Variants in NEGR1 observed in about 807,000 individuals in gnomAD.
NEGR1 encodes IgLON family member 4.
Under a neutral mutation model 40.9 loss-of-function variants are expected in NEGR1, and 10 were observed. The observed-to-expected ratio is 0.24, with a 90% CI of 0.15 to 0.42. The LOEUF (loss-of-function observed/expected upper bound fraction) is 0.42, where lower values mean the gene tolerates loss of function less well. Among genes scored for constraint, NEGR1 ranks in the 10% least tolerant of loss-of-function variants. NEGR1 has a pLI of 1.00. For synonymous variants in NEGR1, 185 were observed against 166.8 expected (o/e 1.11, Z -0.84); for missense variants, 352 against 438.9 (o/e 0.80, Z 1.77).
intron 2 of NEGR1, among the ~76,000 whole-genome samples, chr1:71,931,108 A>C (rs1348975027): frequency 6.6e-6 from 1 of 152,168 alleles, no homozygotes; most frequent in Non-Finnish European, 1.5e-5. Flanking sequence ...CCCACCTATT[A>C]CAAATACTCT....
intron 6 of NEGR1, among the ~76,000 whole-genome samples, chr1:71,562,662 T>A (rs1252640311): frequency 6.6e-6 from 1 of 151,996 alleles, no homozygotes; most frequent in Non-Finnish European, 1.5e-5. Context: ...TGTTTTCTTT[T>A]CTTTTATTTA....
At chr1:71,572,280 T>C (rs971459694) in intron 6 of NEGR1, among the ~76,000 whole-genome samples, 9 of 152,154 alleles carry the variant, frequency 5.9e-5, no homozygotes, top group Non-Finnish European at 1.2e-4. Context: ...GAAAGCAGGC[T>C]GTTGAGATTC....
intron 2 of NEGR1, among the ~76,000 whole-genome samples, chr1:71,796,883 C>G (rs1050601854): frequency 6.6e-6 from 1 of 152,074 alleles, no homozygotes; most frequent in Non-Finnish European, 1.5e-5. Context: ...CTCAGAAAGA[C>G]TTTTTAAAAG....
intron 1 of NEGR1, among the ~76,000 whole-genome samples, chr1:72,027,476 C>CA (rs1196716466): frequency 6.6e-6 from 1 of 150,798 alleles, no homozygotes; most frequent in Non-Finnish European, 1.5e-5. Flanking sequence ...AACAAAAAAA[C>CA]AAAAAACAGA....
intron 1 of NEGR1, among the ~76,000 whole-genome samples, chr1:72,180,172 A>G (rs745927543): frequency 6.6e-6 from 1 of 152,068 alleles, no homozygotes; most frequent in Non-Finnish European, 1.5e-5. Flanking sequence ...TTACTGGCAC[A>G]AAATAGAAAC....
intron 3 of NEGR1, among the ~76,000 whole-genome samples, chr1:71,775,388 C>T (rs1656467449): frequency 6.6e-6 from 1 of 150,540 alleles, no homozygotes; most frequent in Non-Finnish European, 1.5e-5. Context: ...GCTCCGCACC[C>T]AGGCTGGAGT....
intron 1 of NEGR1, among the ~76,000 whole-genome samples, chr1:72,075,115 A>G (rs975928821): frequency 6.6e-6 from 1 of 152,178 alleles, no homozygotes; most frequent in South Asian, 2.1e-4. Context: ...TTAATTTTAA[A>G]CAATTTTAGA....
rs1339455332 is a variant in NEGR1, at chr1:71,943,073, T to TAC, written c.177-7763_177-7762insGT. On this transcript the variant is annotated intron_variant, in intron 1 of 6. Coordinates refer to ENST00000357731, the MANE Select transcript of NEGR1 (RefSeq NM_173808.3). ...GTATATATATGTGTGTGTATATATA[T>TAC]GTGTATATATATACACACATACATA... Among the ~76,000 whole-genome samples the TAC allele has an allele frequency of 2.1e-5, 3 of 145,788 alleles. No homozygotes were observed. The Admixed American group carries it at 2.1e-4, about 10-fold the overall frequency.
chr1:72,257,237 G>C (rs1655301109), intron 1 of NEGR1, among the ~76,000 whole-genome samples: 1 of 148,954 alleles, frequency 6.7e-6, no homozygotes, highest in Non-Finnish European at 1.5e-5. Flanking sequence ...CAGGAGAATG[G>C]CGTGAACCCG....
Position 71,402,471 on chromosome 1 carries a change from G to A in NEGR1, c.*4975C>T, listed in dbSNP as rs1458710337. On this transcript the variant is annotated 3_prime_UTR_variant, in exon 7 of 7. Transcript: ENST00000357731. ...GAGCTTCTAGGGAGAAGAATGAAAC[G>A]TATTCCTCTTTTCCTTTTCTCTAGG... 2 of 152,112 alleles carry A rather than the reference G, an allele frequency of 1.3e-5. No homozygotes were observed. The highest frequency in any genetic ancestry group is 6.6e-5 in the Admixed American group (1 of 15,266). The allele number at this position is 152,112 out of a possible 1,614,324, so 9.4% of individuals were successfully genotyped here. A position where few individuals can be genotyped will look rare whatever the true frequency, so the allele number is the denominator to read the frequency against.
At chr1:71,817,249 T>C (rs1188280617) in intron 2 of NEGR1, among the ~76,000 whole-genome samples, 1 of 152,054 alleles carries the variant, frequency 6.6e-6, no homozygotes, top group African/African-American at 2.4e-5. Flanking sequence ...TATCAGCTTC[T>C]CCAAGTTTGT....
chr1:72,013,699 T>C lies in NEGR1; in HGVS notation c.177-78388A>G, dbSNP rs571668063. ...TTATGCTCTGATGCTTATGAGCACT[T>C]CTAGAATGGAAATACCAATTTTGAT... is the stretch of plus-strand genomic sequence containing the variant. On this transcript the variant is annotated intron_variant, in intron 1 of 6. Coordinates refer to ENST00000357731, the MANE Select transcript of NEGR1 (RefSeq NM_173808.3). 2.6e-5 allele frequency among the ~76,000 whole-genome samples: 4 copies of C among 152,086 alleles called. No homozygotes were observed. The East Asian group carries it at 7.7e-4, about 29-fold the overall frequency.
chr1:71,509,756 C>T (rs1441439017), intron 6 of NEGR1, among the ~76,000 whole-genome samples: 3 of 152,152 alleles, frequency 2.0e-5, no homozygotes, highest in Non-Finnish European at 4.4e-5. Flanking sequence ...TTTAAGTCAG[C>T]ACTCATCTGG....
At chr1:71,734,209 T>G (rs1654975890) in intron 3 of NEGR1, among the ~76,000 whole-genome samples, 1 of 152,194 alleles carries the variant, frequency 6.6e-6, no homozygotes, top group South Asian at 2.1e-4. Flanking sequence ...CGGCAATTAC[T>G]GGCTGCACAA....
intron 1 of NEGR1, among the ~76,000 whole-genome samples, chr1:71,952,574 T>C (rs373964158): frequency 2.0e-5 from 3 of 152,062 alleles, no homozygotes; most frequent in South Asian, 4.1e-4. Flanking sequence ...ATATAGAAGC[T>C]GCAGCAAGTT....
chr1:71,721,804 G>A (rs1557627224), intron 3 of NEGR1, among the ~76,000 whole-genome samples: 1 of 152,114 alleles, frequency 6.6e-6, no homozygotes, highest in Non-Finnish European at 1.5e-5. Flanking sequence ...CTGGATGAAT[G>A]CAATTTGATG....
At chr1:72,279,809 A>C (rs1656182175) in intron 1 of NEGR1, among the ~76,000 whole-genome samples, 1 of 152,192 alleles carries the variant, frequency 6.6e-6, no homozygotes, top group African/African-American at 2.4e-5. Flanking sequence ...AATAACTGAC[A>C]ATATTTAACA....
At chr1:71,979,996 T>C (rs572296185) in intron 1 of NEGR1, among the ~76,000 whole-genome samples, 34 of 152,264 alleles carry the variant, frequency 2.2e-4, no homozygotes, top group African/African-American at 6.5e-4. Context: ...TTGTTAACCA[T>C]TTCAGAGTGG....
At chr1:71,656,352 T>C (rs1050008196) in intron 4 of NEGR1, among the ~76,000 whole-genome samples, 2 of 152,178 alleles carry the variant, frequency 1.3e-5, no homozygotes, top group African/African-American at 4.8e-5. Context: ...CTATATAAAA[T>C]GAGAGGGTTG....
Sources: allele counts gnomAD v4.1 joint callset (sites outside exome capture counted in the v4.1 genomes callset), GRCh38; gene constraint gnomAD v4.1.1; transcripts MANE v1.5; gene names NCBI Gene and HGNC (gene_info 2026-07-23, HGNC 2026-07-21).